Variants in SHISA9 observed in about 807,000 individuals in gnomAD.
SHISA9 encodes protein shisa-9.
Under a neutral mutation model 38.0 loss-of-function variants are expected in SHISA9, and 13 were observed. The ratio of observed to expected loss-of-function variants is 0.34; its 90% confidence interval spans 0.22 to 0.54. The LOEUF (loss-of-function observed/expected upper bound fraction) is 0.54. Among genes scored for constraint, SHISA9 ranks in the 20% least tolerant of loss-of-function variants. SHISA9 has a pLI of 0.91. For missense variants in SHISA9, 538 were observed against 575.8 expected, an observed-to-expected ratio of 0.93 and a Z score of 0.67; for synonymous variants, 275 against 242.0, an observed-to-expected ratio of 1.14 and a Z score of -1.27.
At chr16:13,211,680 C>A (rs888927556) in intron 3 of SHISA9, among the ~76,000 whole-genome samples, 1 of 152,196 alleles carries the variant, frequency 6.6e-6, no homozygotes, top group African/African-American at 2.4e-5. Flanking sequence ...TTATTAAATG[C>A]CCTATTGTCA....
intron 2 of SHISA9, among the ~76,000 whole-genome samples, chr16:13,188,318 T>C (rs1388177158): frequency 6.6e-6 from 1 of 152,240 alleles, no homozygotes; most frequent in Non-Finnish European, 1.5e-5. Context: ...CAAAACATTT[T>C]CTTTTTCTCT....
At chr16:13,421,825 T>A in the SHISA9 span, among the ~76,000 whole-genome samples, 8 of 152,218 alleles carry the variant, frequency 5.3e-5, no homozygotes, top group African/African-American at 1.7e-4. Context: ...AAACCTCTTA[T>A]GTGCCGTATT....
At chr16:12,989,576 G>T (rs760902259) in intron 2 of SHISA9, among the ~76,000 whole-genome samples, 1 of 151,892 alleles carries the variant, frequency 6.6e-6, no homozygotes, top group Admixed American at 6.6e-5. Context: ...AAAGGTTTGG[G>T]ACTGAGCCAC....
At chr16:13,518,614 C>T in the SHISA9 span, among the ~76,000 whole-genome samples, 1 of 152,178 alleles carries the variant, frequency 6.6e-6, no homozygotes. Context: ...AGAAATGGGA[C>T]TTCAGCTGCT....
At chr16:13,428,929 C>G in the SHISA9 span, among the ~76,000 whole-genome samples, 1 of 152,048 alleles carries the variant, frequency 6.6e-6, no homozygotes, top group Non-Finnish European at 1.5e-5. Flanking sequence ...CCAGGCCTGA[C>G]TAATTTTTGT....
chr16:12,949,454 C>T (rs2071727351), intron 2 of SHISA9, among the ~76,000 whole-genome samples: 2 of 152,152 alleles, frequency 1.3e-5, no homozygotes, highest in Non-Finnish European at 2.9e-5. Flanking sequence ...CCTATTCAAC[C>T]AAGGGGTACA....
At chr16:13,263,085 G>A in the SHISA9 span, among the ~76,000 whole-genome samples, 7 of 152,220 alleles carry the variant, frequency 4.6e-5, no homozygotes, top group African/African-American at 1.7e-4. Flanking sequence ...TTTGTCTCAT[G>A]TCTTAAACCC....
chr16:13,373,716 G>A, the SHISA9 span, among the ~76,000 whole-genome samples: 2 of 145,848 alleles, frequency 1.4e-5, no homozygotes, highest in East Asian at 4.1e-4. Flanking sequence ...GACCGAGATT[G>A]CACCACTGCA....
chr16:13,134,775 A>G (rs567939538), intron 2 of SHISA9, among the ~76,000 whole-genome samples: 116 of 152,266 alleles, frequency 7.6e-4, no homozygotes, highest in African/African-American at 2.5e-3. Context: ...GGTGGCTTGA[A>G]ACAACACAAG....
rs1387329945 is a variant in SHISA9, at chr16:12,970,303, A to G, written c.691+53488A>G. Among the ~76,000 whole-genome samples the G allele has an allele frequency of 3.7e-5, 5 of 133,948 alleles. No individual in the cohort carries two copies. In the East Asian group the frequency reaches 1.0e-3, roughly 28 times the overall value. The allele number at this position is 133,948 out of a possible 152,430, so 87.9% of individuals were successfully genotyped here. On this transcript the variant is annotated intron_variant, in intron 2 of 4. Coordinates refer to ENST00000558583, the MANE Select transcript of SHISA9 (RefSeq NM_001145204.3). ...TGCAGAAGAATGAAAGTGGACCCCT[A>G]TCTCTCACTAGGGGTATATATACAT...
intron 1 of SHISA9, chr16:12,909,426 A>G: frequency 1.0e-6 from 1 of 985,446 alleles, no homozygotes; most frequent in Non-Finnish European, 1.2e-6. Context: ...CAACACATAG[A>G]TTGGACATTG....
the SHISA9 span, among the ~76,000 whole-genome samples, chr16:13,309,524 T>A: frequency 2.1e-4 from 31 of 150,982 alleles, no homozygotes; most frequent in Non-Finnish European, 4.3e-4. Flanking sequence ...ACACCTGTAA[T>A]CCCAGCTACT....
chr16:13,270,157 A>T, the SHISA9 span, among the ~76,000 whole-genome samples: 1 of 152,146 alleles, frequency 6.6e-6, no homozygotes, highest in Admixed American at 6.6e-5. Flanking sequence ...TACTTGGTGG[A>T]AACTGCAGTT....
the SHISA9 span, among the ~76,000 whole-genome samples, chr16:13,246,634 G>C: frequency 6.6e-6 from 1 of 152,128 alleles, no homozygotes; most frequent in Non-Finnish European, 1.5e-5. Flanking sequence ...CTGGGGCTCT[G>C]AGCCTCAGTC....
chr16:13,393,508 C>T, the SHISA9 span, among the ~76,000 whole-genome samples: 6 of 152,232 alleles, frequency 3.9e-5, no homozygotes, highest in African/African-American at 1.4e-4. Flanking sequence ...CTTTTTAATA[C>T]TATTGTTTCT....
intron 2 of SHISA9, among the ~76,000 whole-genome samples, chr16:12,949,447 A>G (rs1026750350): frequency 6.6e-6 from 1 of 152,194 alleles, no homozygotes; most frequent in Non-Finnish European, 1.5e-5. Context: ...GGCACCTCCT[A>G]TTCAACCAAG....
the SHISA9 span, among the ~76,000 whole-genome samples, chr16:13,259,745 T>C: frequency 2.0e-5 from 3 of 152,156 alleles, no homozygotes; most frequent in African/African-American, 7.2e-5. Flanking sequence ...CATTCAGCCA[T>C]GGCTGGAAAG....
chr16:13,365,134 C>T, the SHISA9 span, among the ~76,000 whole-genome samples: 6 of 152,134 alleles, frequency 3.9e-5, no homozygotes, highest in Admixed American at 3.9e-4. Flanking sequence ...TATGCATTTT[C>T]CAGACTTTCA....
At chr16:13,048,792 A>G (rs1337163986) in intron 2 of SHISA9, among the ~76,000 whole-genome samples, 1 of 152,206 alleles carries the variant, frequency 6.6e-6, no homozygotes, top group East Asian at 1.9e-4. Context: ...TTCTAAGACA[A>G]GCTTTGGACT....
Sources: allele counts gnomAD v4.1 joint callset (sites outside exome capture counted in the v4.1 genomes callset), GRCh38; gene constraint gnomAD v4.1.1; transcripts MANE v1.5; gene names NCBI Gene and HGNC (gene_info 2026-07-23, HGNC 2026-07-21).